Variants in GABRA5 observed in about 807,000 individuals in gnomAD.
GABRA5 encodes the protein gamma-aminobutyric acid receptor subunit alpha-5.
A neutral mutation model predicts 47.3 loss-of-function variants in GABRA5; 18 were observed. The observed-to-expected ratio is 0.38, with a 90% confidence interval of 0.26 to 0.56. The LOEUF (loss-of-function observed/expected upper bound fraction) is 0.56. Among genes scored for constraint, GABRA5 ranks in the 20% least tolerant of loss-of-function variants. GABRA5 has a pLI of 0.71. For missense variants in GABRA5, 365 were observed against 599.3 expected (o/e 0.61, Z 4.08); for synonymous variants, 237 against 229.3 (o/e 1.03, Z -0.30).
chr15:26,883,636 C>T lies in GABRA5; in HGVS notation c.497+79C>T. ...GCTGCCCATCCTGCCGCAAGAGCTG[C>T]GCCGCGGAGCTGTTCTGACCATAGG... is the stretch of plus-strand genomic sequence containing the variant. On this transcript the variant is annotated intron_variant, in intron 6 of 10. Coordinates refer to ENST00000335625, the MANE Select transcript of GABRA5 (RefSeq NM_000810.4). The surrounding 1 kb of genome is among the most constrained non-coding windows in gnomAD (Gnocchi z 4.8). 1.7e-6 allele frequency: 2 copies of T among 1,143,844 alleles called. No individual in the cohort carries two copies. The highest frequency in any genetic ancestry group is 1.6e-5 in the South Asian group (1 of 63,714). The allele number at this position is 1,143,844 out of a possible 1,614,324, so 70.9% of individuals were successfully genotyped here. A position where few individuals can be genotyped will look rare whatever the true frequency, so the allele number is the denominator to read the frequency against.
chr15:26,910,469 G>C (rs868512871), intron 6 of GABRA5, among the ~76,000 whole-genome samples: 1 of 151,848 alleles, frequency 6.6e-6, no homozygotes, highest in Non-Finnish European at 1.5e-5. Context: ...GCGTGATTGC[G>C]GACACCTGTA....
At chr15:26,887,583 A>C (rs1595400648) in intron 6 of GABRA5, among the ~76,000 whole-genome samples, 1 of 151,648 alleles carries the variant, frequency 6.6e-6, no homozygotes, top group Non-Finnish European at 1.5e-5. Flanking sequence ...GCCTCCACCC[A>C]CCTCGGCCTC....
intron 6 of GABRA5, among the ~76,000 whole-genome samples, chr15:26,896,951 T>TG (rs2140275580): frequency 6.6e-5 from 1 of 15,124 alleles, no homozygotes; most frequent in South Asian, 2.1e-3. Context: ...TCTCTACATC[T>TG]TACAGATGTA....
At chr15:26,925,554 A>G (rs749287278) in intron 7 of GABRA5, among the ~76,000 whole-genome samples, 3 of 152,212 alleles carry the variant, frequency 2.0e-5, no homozygotes, top group Non-Finnish European at 4.4e-5. Flanking sequence ...ATAAAGCATT[A>G]CATATTCTCT....
intron 6 of GABRA5, among the ~76,000 whole-genome samples, chr15:26,886,751 C>G (rs774631223): frequency 7.2e-5 from 11 of 152,158 alleles, no homozygotes; most frequent in Non-Finnish European, 7.3e-5. Context: ...ACCAGAGCGA[C>G]TTGCCAGTGG....
intron 6 of GABRA5, among the ~76,000 whole-genome samples, chr15:26,898,730 CT>C (rs368760892): frequency 0.4 from 57,631 of 142,340 alleles, 11,457 homozygotes; most frequent in African/African-American, 0.53. Context: ...TTAGCGTGCT[CT>C]TTTTTTTTTT....
chr15:26,910,269 C>T (rs981132064), intron 6 of GABRA5, among the ~76,000 whole-genome samples: 18 of 152,002 alleles, frequency 1.2e-4, no homozygotes, highest in Admixed American at 8.5e-4. Flanking sequence ...CCCTCAATTA[C>T]GATGACATAA....
intron 3 of GABRA5, among the ~76,000 whole-genome samples, chr15:26,869,736 A>G (rs981783814): frequency 2.0e-5 from 3 of 152,252 alleles, no homozygotes; most frequent in Non-Finnish European, 4.4e-5. Context: ...ATGCAATCAA[A>G]GTTGCCTTGA....
chr15:26,913,361 A>G (rs1893645324), intron 6 of GABRA5, among the ~76,000 whole-genome samples: 1 of 152,124 alleles, frequency 6.6e-6, no homozygotes, highest in African/African-American at 2.4e-5. Context: ...CCTTCCACTG[A>G]CATGTATTTT....
intron 7 of GABRA5, among the ~76,000 whole-genome samples, chr15:26,917,398 C>G (rs1893742649): frequency 6.6e-6 from 1 of 152,038 alleles, no homozygotes; most frequent in African/African-American, 2.4e-5. Context: ...ATGTGTTGGA[C>G]CTTCTTTGCA....
intron 8 of GABRA5, among the ~76,000 whole-genome samples, chr15:26,939,035 T>TC (rs1284702239): frequency 1.3e-5 from 2 of 152,232 alleles, no homozygotes; most frequent in Middle Eastern, 3.4e-3. Flanking sequence ...AAGCCTGTTC[T>TC]CCCCACGTTC....
Position 26,880,939 on chromosome 15 carries a change from C to T in GABRA5, c.180C>T (p.Tyr60=), listed in dbSNP as rs753422014. 7.4e-6 allele frequency: 12 copies of T among 1,613,812 alleles called. No individual in the cohort carries two copies. The highest frequency in any genetic ancestry group is 6.7e-5 in the East Asian group (3 of 44,886). ...TCTTGGATGGGCTCTTGGATGGCTA[C>T]GACAACAGACTTCGGCCCGGGCTGG... ...TRILDGLLDG[Y]DNRLRPGLGE... is the part of the protein sequence containing the mutation. The change falls in exon 4 of 11, where the codon TAC becomes TAT. Residue 60 remains tyrosine, a synonymous_variant. Transcript: ENST00000335625.
rs777014928 is a variant in GABRA5, at chr15:26,940,093, C to G, written c.877+16C>G. 3 of 1,603,730 alleles carry G rather than the reference C, an allele frequency of 1.9e-6. No individual in the cohort carries two copies. The South Asian group carries it at 3.3e-5, about 18-fold the overall frequency. Reference sequence around the variant, plus strand: ...ACAGTTTTTGGTGAGTGTCCCCAAGCCAGGCCTGGACACTGGTGTTTTGTG... The same window carrying G: ...ACAGTTTTTGGTGAGTGTCCCCAAGGCAGGCCTGGACACTGGTGTTTTGTG... On this transcript the variant is annotated intron_variant, in intron 9 of 10. Transcript: ENST00000335625.
At chr15:26,891,458 T>A (rs1893003609) in intron 6 of GABRA5, among the ~76,000 whole-genome samples, 1 of 152,064 alleles carries the variant, frequency 6.6e-6, no homozygotes, top group Non-Finnish European at 1.5e-5. Context: ...TTTGCATAGA[T>A]AGAATATATA....
At chr15:26,875,944 AG>A (rs1311599749) in intron 3 of GABRA5, among the ~76,000 whole-genome samples, 1 of 152,080 alleles carries the variant, frequency 6.6e-6, no homozygotes, top group African/African-American at 2.4e-5. Flanking sequence ...GTGAGGTGAG[AG>A]GGGGTTAACC....
At chr15:26,932,897 G>A (rs1031189903) in intron 7 of GABRA5, among the ~76,000 whole-genome samples, 1 of 152,156 alleles carries the variant, frequency 6.6e-6, no homozygotes. Context: ...CTAGAACAAT[G>A]AGAACAGATG....
At chr15:26,885,400 A>T (rs1395663801) in intron 6 of GABRA5, among the ~76,000 whole-genome samples, 1 of 152,096 alleles carries the variant, frequency 6.6e-6, no homozygotes, top group Non-Finnish European at 1.5e-5. Context: ...AGACACAATC[A>T]GGGACTTTGT....
chr15:26,917,631 G>A (rs1159865724), intron 7 of GABRA5, among the ~76,000 whole-genome samples: 2 of 152,030 alleles, frequency 1.3e-5, no homozygotes, highest in African/African-American at 4.8e-5. Context: ...GTTTGAGAAG[G>A]ATTGGCATTA....
chr15:26,875,192 G>A (rs1360648643), intron 3 of GABRA5, among the ~76,000 whole-genome samples: 1 of 152,234 alleles, frequency 6.6e-6, no homozygotes, highest in Non-Finnish European at 1.5e-5. Context: ...TCTGGGTTCT[G>A]TGTCCAGGAG....
Sources: gnomAD v4.1 joint callset for allele counts (sites outside exome capture counted in the v4.1 genomes callset) on GRCh38, gnomAD v4.1.1 for gene constraint, Gnocchi (gnomAD v3.1) non-coding constraint, MANE v1.5 for transcripts, NCBI Gene and HGNC (gene_info 2026-07-23, HGNC 2026-07-21) for gene names.